USP13: variants seen among roughly 807,000 people sequenced by gnomAD.
USP13 encodes the protein ubiquitin carboxyl-terminal hydrolase 13.
Under a neutral mutation model 107.8 loss-of-function variants are expected in USP13, and 68 were observed. The ratio of observed to expected loss-of-function variants is 0.63; its 90% CI spans 0.52 to 0.77. The LOEUF (loss-of-function observed/expected upper bound fraction) is 0.77, where lower values mean the gene tolerates loss of function less well. Ranked by LOEUF, USP13 falls within the 30% of genes least tolerant of loss-of-function variation. USP13 has a pLI of 0.00. For synonymous variants in USP13, 377 were observed against 389.5 expected, an observed-to-expected ratio of 0.97 and a Z score of 0.38; for missense variants, 945 against 1,093.3, an observed-to-expected ratio of 0.86 and a Z score of 1.91.
At chr3:179,693,809 G>C (rs1343866525) in intron 3 of USP13, among the ~76,000 whole-genome samples, 1 of 152,034 alleles carries the variant, frequency 6.6e-6, no homozygotes, top group Non-Finnish European at 1.5e-5. Flanking sequence ...GAGTAGCTGG[G>C]ATTACAGGTG....
chr3:179,778,770 GAAAA>G (rs138909432), intron 19 of USP13, among the ~76,000 whole-genome samples: 1 of 133,642 alleles, frequency 7.5e-6, no homozygotes, highest in South Asian at 2.5e-4. Flanking sequence ...CCGTCTCAAA[GAAAA>G]AAAAAAAAAC....
chr3:179,780,048 T>G (rs1021061779), intron 19 of USP13, among the ~76,000 whole-genome samples: 1 of 152,192 alleles, frequency 6.6e-6, no homozygotes, highest in African/African-American at 2.4e-5. Context: ...GAGTGGAGAA[T>G]GATCAGCAAA....
At chr3:179,765,039 T>C (rs1455851162) in intron 18 of USP13, among the ~76,000 whole-genome samples, 1 of 152,254 alleles carries the variant, frequency 6.6e-6, no homozygotes, top group Non-Finnish European at 1.5e-5. Context: ...AGAGGTTTTA[T>C]ATCTATACAA....
chr3:179,656,390 C>T (rs1239246631), intron 1 of USP13, among the ~76,000 whole-genome samples: 1 of 152,226 alleles, frequency 6.6e-6, no homozygotes, highest in Non-Finnish European at 1.5e-5. Flanking sequence ...AACAAATTCA[C>T]AGTGTACCTA....
At chr3:179,782,837 C>A (rs543739095) in intron 20 of USP13, among the ~76,000 whole-genome samples, 1 of 152,282 alleles carries the variant, frequency 6.6e-6, no homozygotes, top group East Asian at 1.9e-4. Context: ...CCTCCGCCTC[C>A]CAAATTCAAG....
At position 179,778,315 on chromosome 3, in the gene USP13, TA is replaced by T. The variant is rs1391229669; in HGVS notation, c.2414-3423del. ...ATTCCTTCATTCATTCATTTATTTA[TA>T]CATTTAACAGATACTTATTAAGTAC... is the stretch of plus-strand genomic sequence containing the variant. On this transcript the variant is annotated intron_variant, in intron 19 of 20. Coordinates refer to ENST00000263966, the MANE Select transcript of USP13 (RefSeq NM_003940.3). 2.6e-5 allele frequency among the ~76,000 whole-genome samples: 4 copies of T among 152,246 alleles called. No homozygotes were observed. The East Asian group carries it at 7.7e-4, about 29-fold the overall frequency.
chr3:179,678,868 T>C lies in USP13; in HGVS notation c.169-3010T>C, dbSNP rs1255649211. Among the ~76,000 whole-genome samples the C allele has an allele frequency of 6.6e-6, 1 of 152,228 alleles. No homozygotes were observed. Among genetic ancestry groups the C allele is most frequent in the Non-Finnish European group, 1.5e-5 (1 of 68,036 alleles). On this transcript the variant is annotated intron_variant, in intron 1 of 20. Transcript: ENST00000263966. This position sits in a 1 kb window ranked among gnomAD's most constrained non-coding sequence, Gnocchi z 4.2. ...TAAATTCACTTATTGCTCTTACTAGTTGTTATTTTCACTAGTGTGTGTAGA... is the reference window on the plus strand; with the variant it reads ...TAAATTCACTTATTGCTCTTACTAGCTGTTATTTTCACTAGTGTGTGTAGA...
chr3:179,690,418 T>G (rs1423915817), intron 3 of USP13, 117 bp downstream of exon 3: 4 of 910,938 alleles, frequency 4.4e-6, no homozygotes, highest in African/African-American at 3.3e-5. Flanking sequence ...AATTTAAGGA[T>G]GAGAGGCACA....
intron 1 of USP13, among the ~76,000 whole-genome samples, chr3:179,658,241 A>G (rs1303582691): frequency 6.6e-6 from 1 of 152,142 alleles, no homozygotes; most frequent in Non-Finnish European, 1.5e-5. Context: ...GGCGGGAGCC[A>G]CTGCACCTGG....
chr3:179,654,694 A>G (rs1344493239), intron 1 of USP13, among the ~76,000 whole-genome samples: 1 of 152,174 alleles, frequency 6.6e-6, no homozygotes, highest in African/African-American at 2.4e-5. Flanking sequence ...GGTCTAATGT[A>G]TTTTATTCAT....
At chr3:179,674,158 G>A (rs1470086838) in intron 1 of USP13, among the ~76,000 whole-genome samples, 1 of 152,198 alleles carries the variant, frequency 6.6e-6, no homozygotes, top group Non-Finnish European at 1.5e-5. Context: ...CTCCCAAAGT[G>A]TTGGGATTAC....
chr3:179,690,213 T>C (rs1712065273), intron 2 of USP13, 28 bp from the exon 3 acceptor site: 1 of 1,609,176 alleles, frequency 6.2e-7, no homozygotes, highest in East Asian at 2.2e-5. Flanking sequence ...ATAGGCCGCA[T>C]TTTAATGATC....
chr3:179,723,451 G>A (rs1252215795), intron 8 of USP13, among the ~76,000 whole-genome samples: 1 of 152,160 alleles, frequency 6.6e-6, no homozygotes, highest in Non-Finnish European at 1.5e-5. Flanking sequence ...AATAATCATA[G>A]TAACAACTGC....
intron 19 of USP13, among the ~76,000 whole-genome samples, chr3:179,771,094 G>A (rs1007839146): frequency 7.2e-5 from 11 of 152,202 alleles, no homozygotes; most frequent in African/African-American, 2.7e-4. Context: ...CTGCAGGCCT[G>A]CCGTGATTCA....
chr3:179,675,554 A>ATTT, intron 1 of USP13, among the ~76,000 whole-genome samples: 1 of 150,242 alleles, frequency 6.7e-6, no homozygotes, highest in Non-Finnish European at 1.5e-5. Flanking sequence ...TATTATTATT[A>ATTT]TTATTATTAT....
At chr3:179,656,607 G>T (rs80004639) in intron 1 of USP13, among the ~76,000 whole-genome samples, 1 of 152,106 alleles carries the variant, frequency 6.6e-6, no homozygotes, top group Admixed American at 6.5e-5. Context: ...CCACCTTGAC[G>T]TGTAGGTTCA....
intron 2 of USP13, among the ~76,000 whole-genome samples, chr3:179,684,270 TACACACACACACACACACACACACAC>T (rs58817778): frequency 6.0e-5 from 7 of 116,026 alleles, no homozygotes; most frequent in Admixed American, 8.9e-5. Context: ...TATCACCCTT[TACACACACACACACACACACACACAC>T]ACACACACAC....
intron 4 of USP13, among the ~76,000 whole-genome samples, chr3:179,703,016 T>G (rs1712591092): frequency 6.6e-6 from 1 of 152,232 alleles, no homozygotes; most frequent in Admixed American, 6.5e-5. Context: ...TTCTTATTGT[T>G]GTACTTGGAG....
Position 179,690,267 on chromosome 3 carries a change from G to A in USP13, c.321G>A (p.Ala107=), listed in dbSNP as rs778940407. 1.2e-5 allele frequency: 19 copies of A among 1,613,844 alleles called. No homozygotes were observed. In the South Asian group the frequency reaches 1.3e-4, roughly 11 times the overall value. The change falls in exon 3 of 21, where the codon GCG becomes GCA. Residue 107 remains alanine (A), a synonymous_variant. Coordinates refer to ENST00000263966, the MANE Select transcript of USP13 (RefSeq NM_003940.3). Reference sequence around the variant, plus strand: ...AGGTAAGAGGGGCGTCTGGTGGAGCGTTACCAAAAAGGAGGAATTCCAAGA... The same window carrying A: ...AGGTAAGAGGGGCGTCTGGTGGAGCATTACCAAAAAGGAGGAATTCCAAGA... ...REKVRGASGG[A]LPKRRNSKIF...
Sources: gnomAD v4.1 joint callset for allele counts (sites outside exome capture counted in the v4.1 genomes callset) on GRCh38, gnomAD v4.1.1 for gene constraint, Gnocchi (gnomAD v3.1) non-coding constraint, MANE v1.5 for transcripts, NCBI Gene and HGNC (gene_info 2026-07-23, HGNC 2026-07-21) for gene names.